OGG1: variants seen among roughly 807,000 people sequenced by gnomAD.
The protein encoded by OGG1 is 8-oxoguanine DNA glycosylase.
Under a neutral mutation model 42.3 loss-of-function variants are expected in OGG1, and 35 were observed. The observed-to-expected ratio is 0.83, with a 90% CI of 0.63 to 1.10. The LOEUF is 1.10. Ranked by LOEUF, OGG1 falls within the 50% of genes least tolerant of loss-of-function variation. The pLI, the probability that OGG1 is intolerant of heterozygous loss-of-function variation, is 0.00. For synonymous variants in OGG1, 189 were observed against 179.0 expected, an observed-to-expected ratio of 1.06 and a Z score of -0.44; for missense variants, 484 against 446.7, an observed-to-expected ratio of 1.08 and a Z score of -0.75.
At chr3:9,784,057 G>T in intron 3 of OGG1, 2 of 1,614,142 alleles carry the variant, frequency 1.2e-6, no homozygotes, top group Non-Finnish European at 1.7e-6. Context: ...TGGTGCGGTT[G>T]TGGGCACTAA....
At chr3:9,784,292 A>C in intron 3 of OGG1, 1 of 1,506,680 alleles carries the variant, frequency 6.6e-7, no homozygotes, top group South Asian at 1.3e-5. Flanking sequence ...AGGGCTTCCC[A>C]AGGTCAGTGA....
rs1009136158 is a variant in OGG1, at chr3:9,762,680, T to A, written c.1049-3129T>A. Among the ~76,000 whole-genome samples, 11 of 152,250 alleles carry A rather than the reference T, an allele frequency of 7.2e-5. No homozygotes were observed. In the South Asian group the frequency reaches 1.2e-3, roughly 17 times the overall value. ...CTGTCTGGCCAGATTTTTTTTTTTT[T>A]AATCAGAAAAAGACAAAATGTTGTT... On this transcript the variant is annotated intron_variant, in intron 7 of 7. Transcript: ENST00000302008.
intron 3 of OGG1, among the ~76,000 whole-genome samples, chr3:9,782,367 C>A (rs2078496109): frequency 6.6e-6 from 1 of 152,188 alleles, no homozygotes; most frequent in African/African-American, 2.4e-5. Flanking sequence ...GCCTTTATTT[C>A]CTCATCTGGT....
At chr3:9,762,516 ACAGGCATC>A (rs1051053860) in intron 7 of OGG1, among the ~76,000 whole-genome samples, 4 of 152,156 alleles carry the variant, frequency 2.6e-5, no homozygotes, top group Non-Finnish European at 4.4e-5. Flanking sequence ...AGCTGGGATT[ACAGGCATC>A]TGCCACCACG....
chr3:9,781,573 G>A, exon 3 of OGG1: 1 of 456,588 alleles, frequency 2.2e-6, no homozygotes. Context: ...AGCCCCCTAA[G>A]GTCTAGGCAG....
chr3:9,763,515 A>G (rs958230884), intron 7 of OGG1, among the ~76,000 whole-genome samples: 6 of 152,140 alleles, frequency 3.9e-5, no homozygotes, highest in African/African-American at 1.2e-4. Flanking sequence ...CTCGTCCCCA[A>G]AGGGAAAAGC....
At chr3:9,780,778 C>T (rs898865590) in intron 2 of OGG1, among the ~76,000 whole-genome samples, 2 of 152,150 alleles carry the variant, frequency 1.3e-5, no homozygotes, top group Non-Finnish European at 2.9e-5. Flanking sequence ...CATGTGGGGA[C>T]AGGGAGATAC....
downstream of OGG1, among the ~76,000 whole-genome samples, chr3:9,770,662 C>T (rs1443411109): frequency 6.6e-6 from 1 of 152,112 alleles, no homozygotes. Flanking sequence ...ACGTGACTGG[C>T]GGGGCTCCAG....
Position 9,751,034 on chromosome 3 carries a change from CTG to C in OGG1, c.231_232del (p.Tyr78ProfsTer8). ...CAGACTGAGGAGCAGCTCCACTGCA[CTG>C]TGTACCGAGGAGACAAGAGCCAGGC... On this transcript the variant is annotated frameshift_variant, in exon 2 of 7. Coordinates refer to ENST00000344629, the MANE Select transcript of OGG1 (RefSeq NM_002542.6). LOFTEE classifies it high-confidence loss of function. 2 of 1,613,916 alleles carry C rather than the reference CTG, an allele frequency of 1.2e-6. No individual in the cohort carries two copies. Among genetic ancestry groups the C allele is most frequent in the Non-Finnish European group, 1.7e-6 (2 of 1,179,862 alleles).
At chr3:9,761,558 G>A, downstream of OGG1, 2 of 1,613,366 alleles carry the variant, frequency 1.2e-6, no homozygotes, top group Admixed American at 1.7e-5. Flanking sequence ...AGAGGACGTG[G>A]TGGTGACAAA....
At chr3:9,780,618 AC>A (rs2125613619) in intron 2 of OGG1, 2 of 1,475,810 alleles carry the variant, frequency 1.4e-6, no homozygotes, top group Admixed American at 2.2e-5. Flanking sequence ...CCTCTTCAAG[AC>A]CGAGCCTACC....
rs202010194 is a variant in OGG1 at position 9,754,815 on chromosome 3, A to C, written c.677A>C (p.Gln226Pro). The C allele has an allele frequency of 1.2e-6, 2 of 1,612,598 alleles. No individual in the cohort carries two copies. Among genetic ancestry groups the C allele is most frequent in the Non-Finnish European group, 1.7e-6 (2 of 1,179,378 alleles). ...LEEQGGLAWL[Q>P]QLRESSYEEA... is the part of the protein sequence containing the mutation. ...GAACAGGGCGGGCTAGCCTGGCTGC[A>C]GCAGCTACGAGAGTCCTCATATGAG... Residue 226 changes from glutamine (Q) to proline (P), a missense_variant, in exon 4 of 7, where the codon CAG (glutamine) becomes CCG (proline). Coordinates refer to ENST00000344629, the MANE Select transcript of OGG1 (RefSeq NM_002542.6).
intron 2 of OGG1, chr3:9,780,483 G>A (rs1443551244): frequency 2.5e-6 from 4 of 1,610,642 alleles, no homozygotes; most frequent in Non-Finnish European, 3.4e-6. Context: ...AGGCGTCCAT[G>A]ACCTCGTTGT....
At chr3:9,756,229 A>G (rs1398328394) in intron 4 of OGG1, among the ~76,000 whole-genome samples, 1 of 152,190 alleles carries the variant, frequency 6.6e-6, no homozygotes, top group East Asian at 1.9e-4. Context: ...AGGTAGGAGA[A>G]TTGCTTGAAC....
chr3:9,778,659 C>G (rs2078396168), intron 2 of OGG1, among the ~76,000 whole-genome samples: 1 of 152,164 alleles, frequency 6.6e-6, no homozygotes, highest in South Asian at 2.1e-4. Flanking sequence ...TATGGTCCAA[C>G]AAGAAGTGGA....
intron 1 of OGG1, 101 bp from the exon 2 acceptor site, chr3:9,750,844 T>C (rs2077267624): frequency 7.3e-7 from 1 of 1,362,076 alleles, no homozygotes; most frequent in Admixed American, 1.8e-5. Context: ...CACTGTTACT[T>C]GTATTAGTTT....
chr3:9,750,947 G>A lies in OGG1; in HGVS notation c.140G>A (p.Trp47Ter), dbSNP rs1267606727. 3 of 1,613,868 alleles carry A rather than the reference G, an allele frequency of 1.9e-6. No homozygotes were observed. The highest frequency in any genetic ancestry group is 1.7e-6 in the Non-Finnish European group (2 of 1,179,996). Residue 47 changes from tryptophan (W) to a stop codon, truncating the protein, a stop_gained and splice_region_variant, in exon 2 of 7, where the codon TGG becomes TAG. Transcript: ENST00000344629. LOFTEE classifies it high-confidence loss of function. ...LVLPSGQSFR[W>*]REQSPAHWSG... ...GTTGTCATGTGCCTTGGGCTCAGGT[G>A]GAGGGAGCAAAGTCCTGCACACTGG...
intron 2 of OGG1, among the ~76,000 whole-genome samples, chr3:9,777,347 A>T (rs114233421): frequency 0.011 from 1,629 of 152,204 alleles, 25 homozygotes; most frequent in African/African-American, 0.037. Flanking sequence ...CTTCCTCCAC[A>T]CTCATAAAGG....
intron 3 of OGG1, 89 bp downstream of exon 3, chr3:9,752,038 G>C: frequency 1.5e-6 from 2 of 1,319,632 alleles, no homozygotes; most frequent in East Asian, 2.4e-5. Flanking sequence ...AAGGCTTCCT[G>C]CCTTCCCAAA....
Sources: gnomAD v4.1 joint callset for allele counts (sites outside exome capture counted in the v4.1 genomes callset) on GRCh38, gnomAD v4.1.1 for gene constraint, MANE v1.5 for transcripts, NCBI Gene and HGNC (gene_info 2026-07-23, HGNC 2026-07-21) for gene names.